Variants in SUGT1 observed in about 807,000 individuals in gnomAD.
SUGT1 encodes the protein SGT1 assembly cochaperone of MIS12 kinetochore complex.
SUGT1 carries 15 observed loss-of-function variants against 56.1 expected under a neutral mutation model. That is an observed-to-expected ratio of 0.27 (90% confidence interval 0.18 to 0.41). The LOEUF (loss-of-function observed/expected upper bound fraction) is 0.41, where lower values mean the gene tolerates loss of function less well. Among genes scored for constraint, SUGT1 ranks in the 10% least tolerant of loss-of-function variants. SUGT1 has a pLI of 1.00. For missense variants in SUGT1, 347 were observed against 382.2 expected, an observed-to-expected ratio of 0.91 and a Z score of 0.77; for synonymous variants, 123 against 128.6, an observed-to-expected ratio of 0.96 and a Z score of 0.30.
At chr13:52,666,025 C>A (rs527618064) in intron 9 of SUGT1, among the ~76,000 whole-genome samples, 1 of 152,122 alleles carries the variant, frequency 6.6e-6, no homozygotes, top group African/African-American at 2.4e-5. Context: ...TGAAAAAGAT[C>A]TAGTTAGTTT....
chr13:52,699,271 ATGTT>A lies in SUGT1; in HGVS notation c.*11442_*11445del, dbSNP rs1329240962. ...ACAGCACATGATGAAAGAAAATCAA[ATGTT>A]TGTTTCAATCAAAGTGAAACAAAAT... On this transcript the variant is annotated 3_prime_UTR_variant, in exon 13 of 13. Coordinates refer to ENST00000310528, the MANE Select transcript of SUGT1 (RefSeq NM_006704.5). 3.3e-5 allele frequency: 5 copies of A among 152,192 alleles called. No individual in the cohort carries two copies. The highest frequency in any genetic ancestry group is 1.2e-4 in the African/African-American group (5 of 41,440). The allele number at this position is 152,192 out of a possible 1,614,324, so 9.4% of individuals were successfully genotyped here.
intron 6 of SUGT1, 92 bp downstream of exon 6, chr13:52,662,794 TAATTTCTTTTA>T (rs1962523703): frequency 7.7e-7 from 1 of 1,300,658 alleles, no homozygotes; most frequent in Admixed American, 2.1e-5. Context: ...TTTATCTTTA[TAATTTCTTTTA>T]AATAGTATAC....
At chr13:52,680,888 C>G (rs1009966952) in intron 12 of SUGT1, among the ~76,000 whole-genome samples, 1 of 152,160 alleles carries the variant, frequency 6.6e-6, no homozygotes, top group Non-Finnish European at 1.5e-5. Context: ...GTTGCCCAGG[C>G]TTGAGTACAG....
chr13:52,680,657 T>G (rs988619171), intron 12 of SUGT1, among the ~76,000 whole-genome samples: 1 of 152,228 alleles, frequency 6.6e-6, no homozygotes, highest in African/African-American at 2.4e-5. Context: ...CATTGTATAT[T>G]TAGCTTGCAG....
intron 11 of SUGT1, 45 bp from the exon 12 acceptor site, chr13:52,679,929 T>G (rs1281665709): frequency 2.0e-6 from 3 of 1,533,124 alleles, no homozygotes; most frequent in East Asian, 2.4e-5. Flanking sequence ...CTCGACATAA[T>G]TGAAACATGT....
chr13:52,652,980 T>C, intron 1 of SUGT1, 22 bp downstream of exon 1: 1 of 1,614,216 alleles, frequency 6.2e-7, no homozygotes, highest in South Asian at 1.1e-5. Flanking sequence ...TCTTTCCCTT[T>C]GGTATTTATT....
intron 5 of SUGT1, 109 bp from the exon 6 acceptor site, chr13:52,662,540 C>CGAT: frequency 9.6e-7 from 1 of 1,041,472 alleles, no homozygotes; most frequent in South Asian, 1.7e-5. Context: ...TCGCTGCCGA[C>CGAT]TCCCCAGTGC....
At position 52,666,937 on chromosome 13, in the gene SUGT1, TTTG is replaced by T. The variant is rs771838240; in HGVS notation, c.627+21_627+23del. ...CAACAAAGGTAAGACCATTGAAAAG[TTTG>T]TTACTAGTAATATTTTCAAAATTAT... On this transcript the variant is annotated intron_variant, in intron 10 of 12. Coordinates refer to ENST00000310528, the MANE Select transcript of SUGT1 (RefSeq NM_006704.5). The T allele has an allele frequency of 1.1e-5, 17 of 1,545,446 alleles. No individual in the cohort carries two copies. Among genetic ancestry groups the T allele is most frequent in the Non-Finnish European group, 1.5e-5 (17 of 1,125,606 alleles).
intron 5 of SUGT1, 111 bp from the exon 6 acceptor site, chr13:52,662,538 G>GACGAT: frequency 1.0e-6 from 1 of 1,002,600 alleles, no homozygotes; most frequent in Non-Finnish European, 1.5e-6. Flanking sequence ...GTTCGCTGCC[G>GACGAT]ACTCCCCAGT....
intron 2 of SUGT1, 148 bp from the exon 3 acceptor site, chr13:52,657,384 A>G: frequency 1.4e-6 from 1 of 720,610 alleles, no homozygotes; most frequent in South Asian, 1.7e-5. Context: ...TGATCCTTTT[A>G]TAAGGAAAAA....
chr13:52,665,487 T>TA, intron 8 of SUGT1, 150 bp from the exon 9 acceptor site: 2 of 560,432 alleles, frequency 3.6e-6, no homozygotes, highest in South Asian at 4.9e-5. Context: ...AAAAACTAGT[T>TA]ATATAAAGTT....
At chr13:52,658,649 G>A (rs948613863) in intron 4 of SUGT1, among the ~76,000 whole-genome samples, 181 bp downstream of exon 4, 2 of 151,502 alleles carry the variant, frequency 1.3e-5, no homozygotes. Context: ...ACCAAAGTAT[G>A]TGATAGGAGA....
chr13:52,656,263 A>G (rs961152602), intron 2 of SUGT1, among the ~76,000 whole-genome samples: 4 of 152,236 alleles, frequency 2.6e-5, no homozygotes, highest in Non-Finnish European at 4.4e-5. Flanking sequence ...GGCAAGCCCA[A>G]CACCCTGGAG....
intron 2 of SUGT1, among the ~76,000 whole-genome samples, chr13:52,655,191 A>G (rs1191112643): frequency 6.6e-6 from 1 of 152,156 alleles, no homozygotes; most frequent in Non-Finnish European, 1.5e-5. Context: ...TAAAAATACA[A>G]AAAATTAGCC....
intron 10 of SUGT1, among the ~76,000 whole-genome samples, chr13:52,669,069 A>G (rs978727256): frequency 2.0e-5 from 3 of 152,144 alleles, no homozygotes; most frequent in African/African-American, 4.8e-5. Flanking sequence ...CCATTCTTCA[A>G]CCATACTACT....
chr13:52,663,188 C>G, intron 7 of SUGT1, 76 bp downstream of exon 7: 3 of 1,435,588 alleles, frequency 2.1e-6, no homozygotes, highest in Non-Finnish European at 2.9e-6. Flanking sequence ...AGACAAGACT[C>G]AGGATGAGCT....
At chr13:52,684,637 C>T (rs751075240) in intron 12 of SUGT1, among the ~76,000 whole-genome samples, 1 of 151,682 alleles carries the variant, frequency 6.6e-6, no homozygotes, top group Non-Finnish European at 1.5e-5. Context: ...CTCCTGGGCT[C>T]GAGTAATCCT....
rs560457002 is a variant in SUGT1, at chr13:52,696,880, T to C, written c.*9045T>C. 8 of 150,626 alleles carry C rather than the reference T, an allele frequency of 5.3e-5. No individual in the cohort carries two copies. Among genetic ancestry groups the C allele is most frequent in the East Asian group, 3.9e-4 (2 of 5,124 alleles). 9.3% of individuals were successfully genotyped at this position (150,626 alleles called of 1,614,324 possible). On this transcript the variant is annotated 3_prime_UTR_variant, in exon 13 of 13. Coordinates refer to ENST00000310528, the MANE Select transcript of SUGT1 (RefSeq NM_006704.5). ...ACATTGTTAGAGGTAGTAACAGTTATATAACTAATCAAAACCAGTGTGATA... is the reference window on the plus strand; with the variant it reads ...ACATTGTTAGAGGTAGTAACAGTTACATAACTAATCAAAACCAGTGTGATA...
At chr13:52,685,103 A>G (rs547571062) in intron 12 of SUGT1, among the ~76,000 whole-genome samples, 14 of 140,996 alleles carry the variant, frequency 9.9e-5, no homozygotes, top group South Asian at 9.1e-4. Flanking sequence ...GTCTTGCTCT[A>G]TTGTTCCAGC....
Sources: allele counts gnomAD v4.1 joint callset (sites outside exome capture counted in the v4.1 genomes callset), GRCh38; gene constraint gnomAD v4.1.1; transcripts MANE v1.5; gene names NCBI Gene and HGNC (gene_info 2026-07-23, HGNC 2026-07-21).